Variants in CBFB observed in about 807,000 individuals in gnomAD.
The protein encoded by CBFB is core-binding factor subunit beta, also known as CBF-beta.
A neutral mutation model predicts 30.4 loss-of-function variants in CBFB; 9 were observed. The observed-to-expected ratio is 0.30, with a 90% CI of 0.18 to 0.52. The LOEUF is 0.52. CBFB is among the 20% of genes least tolerant of loss of function. The pLI, the probability that CBFB is intolerant of heterozygous loss-of-function variation, is 0.97. For synonymous variants in CBFB, 94 were observed against 84.0 expected, an observed-to-expected ratio of 1.12 and a Z score of -0.65; for missense variants, 170 against 244.0, an observed-to-expected ratio of 0.70 and a Z score of 2.02.
intron 2 of CBFB, among the ~76,000 whole-genome samples, chr16:67,032,959 C>T (rs1966378008): frequency 6.6e-6 from 1 of 152,136 alleles, no homozygotes; most frequent in South Asian, 2.1e-4. Flanking sequence ...AGTGCAACCT[C>T]CGTCCCCCAT....
At chr16:67,066,946 T>G in intron 4 of CBFB, 148 bp downstream of exon 4, 1 of 490,450 alleles carries the variant, frequency 2.0e-6, no homozygotes, top group South Asian at 2.7e-5. Context: ...ATGTTGATAC[T>G]CAAATTCTGA....
chr16:67,041,984 T>C (rs2145720313), intron 3 of CBFB, among the ~76,000 whole-genome samples: 1 of 151,480 alleles, frequency 6.6e-6, no homozygotes, highest in South Asian at 2.1e-4. Context: ...CATGGCTCAC[T>C]GCAGCCTCAA....
At chr16:67,076,705 T>A (rs2145763975) in intron 4 of CBFB, among the ~76,000 whole-genome samples, 1 of 152,286 alleles carries the variant, frequency 6.6e-6, no homozygotes, top group Middle Eastern at 3.4e-3. Flanking sequence ...AATATAATTG[T>A]CTAAAAGCTT....
At chr16:67,052,675 C>T (rs1322348008) in intron 3 of CBFB, among the ~76,000 whole-genome samples, 3 of 151,910 alleles carry the variant, frequency 2.0e-5, no homozygotes, top group Non-Finnish European at 4.4e-5. Flanking sequence ...ACTGCCTGCA[C>T]AGTTGGCCAG....
intron 5 of CBFB, among the ~76,000 whole-genome samples, chr16:67,087,469 C>G (rs942535371): frequency 2.0e-5 from 3 of 151,462 alleles, no homozygotes; most frequent in African/African-American, 7.3e-5. Context: ...GTGGGAGGAT[C>G]GCTTGAGCCC....
chr16:67,050,440 T>C (rs1240813616), intron 3 of CBFB, among the ~76,000 whole-genome samples: 1 of 151,878 alleles, frequency 6.6e-6, no homozygotes, highest in Non-Finnish European at 1.5e-5. Context: ...CATATATACG[T>C]ATGATAAAGT....
chr16:67,033,308 A>C (rs1672794908), intron 2 of CBFB, among the ~76,000 whole-genome samples: 2 of 152,238 alleles, frequency 1.3e-5, no homozygotes, highest in Non-Finnish European at 2.9e-5. Flanking sequence ...ATTAAATAAA[A>C]GTGAACACAG....
At chr16:67,088,037 A>G (rs1961777524) in intron 5 of CBFB, among the ~76,000 whole-genome samples, 1 of 152,206 alleles carries the variant, frequency 6.6e-6, no homozygotes, top group Admixed American at 6.5e-5. Flanking sequence ...CCTAGAGCAT[A>G]GAGAAAAGAG....
At chr16:67,038,269 AATTT>A (rs1966473831) in intron 3 of CBFB, among the ~76,000 whole-genome samples, 1 of 151,108 alleles carries the variant, frequency 6.6e-6, no homozygotes, top group Non-Finnish European at 1.5e-5. Context: ...AGAAATATTT[AATTT>A]AATCTTGTGT....
intron 3 of CBFB, among the ~76,000 whole-genome samples, chr16:67,060,542 G>A (rs937759666): frequency 4.0e-5 from 6 of 151,546 alleles, no homozygotes; most frequent in Admixed American, 4.0e-4. Flanking sequence ...TTTCTGGGGG[G>A]TTTTTTGTTT....
intron 2 of CBFB, among the ~76,000 whole-genome samples, chr16:67,031,758 C>T (rs1487057739): frequency 1.3e-5 from 2 of 152,008 alleles, no homozygotes; most frequent in Admixed American, 6.6e-5. Context: ...AGTAATCCTC[C>T]CACCTCGGCC....
chr16:67,093,681 T>G (rs1208556968), intron 5 of CBFB: 1 of 152,194 alleles, frequency 6.6e-6, no homozygotes, highest in Non-Finnish European at 1.5e-5. Context: ...AGAACAGATT[T>G]GTGCTCTGAA....
At chr16:67,031,613 C>A (rs1279022449) in intron 2 of CBFB, among the ~76,000 whole-genome samples, 1 of 152,184 alleles carries the variant, frequency 6.6e-6, no homozygotes, top group Non-Finnish European at 1.5e-5. Context: ...TGGGTTAAAG[C>A]GATTCTCCTG....
intron 4 of CBFB, among the ~76,000 whole-genome samples, chr16:67,081,881 C>T (rs1012850573): frequency 4.1e-5 from 6 of 147,000 alleles, no homozygotes; most frequent in South Asian, 2.1e-4. Context: ...AGTGCAATGG[C>T]GCAATCTCGG....
chr16:67,069,297 G>C (rs776863654), intron 4 of CBFB, among the ~76,000 whole-genome samples: 8 of 151,928 alleles, frequency 5.3e-5, no homozygotes, highest in Non-Finnish European at 8.8e-5. Context: ...TTGGACCCAG[G>C]AGGCAGAGGT....
chr16:67,083,606 C>T (rs968966826), intron 5 of CBFB, among the ~76,000 whole-genome samples: 1 of 152,048 alleles, frequency 6.6e-6, no homozygotes, highest in African/African-American at 2.4e-5. Flanking sequence ...CCCATTATTT[C>T]AGTTTTTATA....
chr16:67,084,703 G>T (rs1434046596), intron 5 of CBFB, among the ~76,000 whole-genome samples: 2 of 151,986 alleles, frequency 1.3e-5, no homozygotes, highest in African/African-American at 4.8e-5. Flanking sequence ...AAAATTTGTG[G>T]TTTTTTTCCA....
At chr16:67,065,971 A>G (rs962976399) in intron 3 of CBFB, among the ~76,000 whole-genome samples, 1 of 152,238 alleles carries the variant, frequency 6.6e-6, no homozygotes, top group Non-Finnish European at 1.5e-5. Context: ...GGACACCTAA[A>G]GATAACCACA....
intron 4 of CBFB, among the ~76,000 whole-genome samples, chr16:67,069,104 C>G (rs1961144467): frequency 6.6e-6 from 1 of 152,178 alleles, no homozygotes; most frequent in Non-Finnish European, 1.5e-5. Context: ...ATCCCACCTA[C>G]TCAGGAGGCT....
Sources: gnomAD v4.1 joint callset for allele counts (sites outside exome capture counted in the v4.1 genomes callset) on GRCh38, gnomAD v4.1.1 for gene constraint, MANE v1.5 for transcripts, NCBI Gene and HGNC (gene_info 2026-07-23, HGNC 2026-07-21) for gene names.